ABI1: variants seen among roughly 807,000 people sequenced by gnomAD.
The protein encoded by ABI1 is abl interactor 1.
Under a neutral mutation model 54.6 loss-of-function variants are expected in ABI1, and 14 were observed. The observed-to-expected ratio is 0.26, with a 90% CI of 0.17 to 0.40. The LOEUF (loss-of-function observed/expected upper bound fraction) is 0.40. Ranked by LOEUF, ABI1 falls within the 10% of genes least tolerant of loss-of-function variation. ABI1 has a pLI of 1.00. For missense variants in ABI1, 443 were observed against 598.3 expected, an observed-to-expected ratio of 0.74 and a Z score of 2.71; for synonymous variants, 194 against 209.3, an observed-to-expected ratio of 0.93 and a Z score of 0.63.
At chr10:26,827,596 GT>G (rs398013068) in intron 1 of ABI1, among the ~76,000 whole-genome samples, 13 of 138,050 alleles carry the variant, frequency 9.4e-5, no homozygotes, top group African/African-American at 1.6e-4. Context: ...TCTGTTTTTT[GT>G]TTTTTTTTTT....
chr10:26,780,040 A>C (rs1362572543), intron 2 of ABI1, among the ~76,000 whole-genome samples: 2 of 152,188 alleles, frequency 1.3e-5, no homozygotes, highest in Non-Finnish European at 2.9e-5. Context: ...TATAATCTTG[A>C]CATTATCTTA....
At chr10:26,847,094 A>G (rs995714310) in intron 1 of ABI1, among the ~76,000 whole-genome samples, 9 of 152,210 alleles carry the variant, frequency 5.9e-5, no homozygotes, top group African/African-American at 2.2e-4. Context: ...ATACGTGTAA[A>G]AAGTCGCAGA....
Position 26,773,915 on chromosome 10 carries a change from T to C in ABI1, c.463-2826A>G, listed in dbSNP as rs532940975. Among the ~76,000 whole-genome samples the C allele has an allele frequency of 5.3e-5, 8 of 152,304 alleles. No homozygotes were observed. In the East Asian group the frequency reaches 1.5e-3, roughly 29 times the overall value. On this transcript the variant is annotated intron_variant, in intron 3 of 10. Transcript: ENST00000376140. ...TCCAAAAAAAGTAACACATCTAAGC[T>C]TATCTTTTAAGACCAATAATAAAAT...
At chr10:26,851,009 C>T (rs747134085) in intron 1 of ABI1, among the ~76,000 whole-genome samples, 1 of 151,706 alleles carries the variant, frequency 6.6e-6, no homozygotes, top group Non-Finnish European at 1.5e-5. Flanking sequence ...ATCAGAGAAG[C>T]CAAAGGATTA....
At chr10:26,768,584 G>C (rs1364798256) in intron 6 of ABI1, among the ~76,000 whole-genome samples, 1 of 151,758 alleles carries the variant, frequency 6.6e-6, no homozygotes, top group South Asian at 2.1e-4. Flanking sequence ...CGTAGAGTCT[G>C]ATAGAGTCTG....
At chr10:26,794,019 G>A (rs1843791661) in intron 2 of ABI1, among the ~76,000 whole-genome samples, 1 of 152,150 alleles carries the variant, frequency 6.6e-6, no homozygotes, top group African/African-American at 2.4e-5. Context: ...AAGGTGGGTG[G>A]ATCACTTGAG....
intron 1 of ABI1, among the ~76,000 whole-genome samples, chr10:26,857,440 A>G (rs1434120908): frequency 1.3e-5 from 2 of 150,840 alleles, no homozygotes; most frequent in Admixed American, 6.6e-5. Flanking sequence ...CAGGAGTTTG[A>G]GACCAGCCTA....
At chr10:26,851,837 A>C (rs2050417761) in intron 1 of ABI1, among the ~76,000 whole-genome samples, 1 of 152,204 alleles carries the variant, frequency 6.6e-6, no homozygotes, top group Non-Finnish European at 1.5e-5. Flanking sequence ...TCTATGAACC[A>C]AAAGACAAGA....
rs186742716 is a variant in ABI1, at chr10:26,763,090, T to C, written c.820+2128A>G. ...GAGGCTATTTTTTTCTCACAGATTT[T>C]CTACCAACAATTTCTATTCTTAGGG... On this transcript the variant is annotated intron_variant, in intron 7 of 10. Transcript: ENST00000376140. Among the ~76,000 whole-genome samples the C allele has an allele frequency of 2.0e-3, 298 of 152,302 alleles. 4 individuals carry two copies. The highest frequency in any genetic ancestry group is 3.7e-4 in the Non-Finnish European group (25 of 68,020).
intron 2 of ABI1, among the ~76,000 whole-genome samples, chr10:26,786,241 T>C (rs1842721993): frequency 6.6e-6 from 1 of 150,854 alleles, no homozygotes; most frequent in African/African-American, 2.4e-5. Context: ...TTTGACAGGG[T>C]CTTGCTCTGT....
chr10:26,774,892 C>G (rs1209116986), intron 3 of ABI1, among the ~76,000 whole-genome samples: 1 of 151,840 alleles, frequency 6.6e-6, no homozygotes, highest in East Asian at 1.9e-4. Flanking sequence ...AAAAGCCAAA[C>G]AGCAATATGA....
chr10:26,790,779 C>T (rs1843328995), intron 2 of ABI1: 1 of 152,134 alleles, frequency 6.6e-6, no homozygotes, highest in Non-Finnish European at 1.5e-5. Context: ...TAATACAGAG[C>T]TAATACTGGC....
intron 1 of ABI1, among the ~76,000 whole-genome samples, chr10:26,834,596 A>AG (rs2048916753): frequency 3.9e-5 from 5 of 129,392 alleles, no homozygotes; most frequent in African/African-American, 1.5e-4. Context: ...CACACACACA[A>AG]AAGAAGACAT....
Position 26,773,829 on chromosome 10 carries a change from C to T in ABI1, c.463-2740G>A, listed in dbSNP as rs540962302. Reference sequence around the variant, plus strand: ...CTTGTCTTGCTTTCTTGAACTTCTACCTGCTTCATGTCTCCTGTGGTCTGA... The same window carrying T: ...CTTGTCTTGCTTTCTTGAACTTCTATCTGCTTCATGTCTCCTGTGGTCTGA... On this transcript the variant is annotated intron_variant, in intron 3 of 10. Coordinates refer to ENST00000376140, the MANE Select transcript of ABI1 (RefSeq NM_001012750.3). Among the ~76,000 whole-genome samples the T allele has an allele frequency of 1.1e-3, 174 of 152,306 alleles. 1 individual carries two copies. In the Middle Eastern group the frequency reaches 0.02, roughly 18 times the overall value.
intron 2 of ABI1, among the ~76,000 whole-genome samples, chr10:26,786,277 G>A (rs1043378623): frequency 1.3e-5 from 2 of 150,794 alleles, no homozygotes; most frequent in Non-Finnish European, 2.9e-5. Context: ...TCAGTGGTGC[G>A]ATCTCGGCTC....
intron 1 of ABI1, among the ~76,000 whole-genome samples, chr10:26,857,638 T>C (rs1468677091): frequency 2.3e-5 from 3 of 131,174 alleles, no homozygotes; most frequent in Admixed American, 1.5e-4. Flanking sequence ...AGCAAGACTG[T>C]GTCTCAAAAA....
chr10:26,779,967 A>C (rs1205469242), intron 2 of ABI1, among the ~76,000 whole-genome samples: 1 of 152,226 alleles, frequency 6.6e-6, no homozygotes, highest in Non-Finnish European at 1.5e-5. Context: ...TCTTGCTGTC[A>C]GTCCTGCAGC....
At chr10:26,825,480 G>A (rs1351097094) in intron 1 of ABI1, among the ~76,000 whole-genome samples, 1 of 152,076 alleles carries the variant, frequency 6.6e-6, no homozygotes, top group Admixed American at 6.5e-5. Context: ...GGTCAACATG[G>A]TGAAACCCTG....
At chr10:26,855,204 T>C (rs1480427634) in intron 1 of ABI1, among the ~76,000 whole-genome samples, 1 of 152,230 alleles carries the variant, frequency 6.6e-6, no homozygotes, top group Non-Finnish European at 1.5e-5. Context: ...AAAGTTACCA[T>C]CTTTTGGTGA....
Sources: gnomAD v4.1 joint callset for allele counts (sites outside exome capture counted in the v4.1 genomes callset) on GRCh38, gnomAD v4.1.1 for gene constraint, MANE v1.5 for transcripts, NCBI Gene and HGNC (gene_info 2026-07-23, HGNC 2026-07-21) for gene names.